PAG1: variants seen among roughly 807,000 people sequenced by gnomAD.
The protein encoded by PAG1 is phosphoprotein membrane anchor with glycosphingolipid microdomains 1.
In PAG1, 23 loss-of-function variants were observed where a neutral mutation model predicts 31.7. That is an observed-to-expected ratio of 0.73 (90% CI 0.52 to 1.03). The LOEUF is 1.03. Among genes scored for constraint, PAG1 ranks in the 50% least tolerant of loss-of-function variants. PAG1 has a pLI of 0.00. For missense variants in PAG1, 473 were observed against 540.7 expected (o/e 0.87, Z 1.24); for synonymous variants, 214 against 210.3 (o/e 1.02, Z -0.15).
chr8:81,074,195 G>A (rs1365791701), intron 1 of PAG1, among the ~76,000 whole-genome samples: 4 of 152,242 alleles, frequency 2.6e-5, no homozygotes, highest in African/African-American at 7.2e-5. Flanking sequence ...GGGACCCACT[G>A]AGACGAAAGT....
chr8:81,035,178 T>C (rs1309557206), intron 2 of PAG1, among the ~76,000 whole-genome samples: 1 of 151,966 alleles, frequency 6.6e-6, no homozygotes, highest in Admixed American at 6.6e-5. Flanking sequence ...CAACAGAATC[T>C]AGCCACTGAG....
At chr8:81,063,709 A>G (rs1808957536) in intron 2 of PAG1, among the ~76,000 whole-genome samples, 1 of 152,136 alleles carries the variant, frequency 6.6e-6, no homozygotes, top group Non-Finnish European at 1.5e-5. Flanking sequence ...CAAACACAGA[A>G]GGAGTCAAAA....
chr8:81,006,339 C>T (rs1807876959), intron 3 of PAG1, among the ~76,000 whole-genome samples: 1 of 152,220 alleles, frequency 6.6e-6, no homozygotes. Flanking sequence ...CTTGTGAGTC[C>T]TGCACTGCCC....
At chr8:81,109,028 A>G (rs983973274) in intron 1 of PAG1, among the ~76,000 whole-genome samples, 1 of 152,132 alleles carries the variant, frequency 6.6e-6, no homozygotes, top group Non-Finnish European at 1.5e-5. Flanking sequence ...GCAGGCAGGA[A>G]ACCAAATGGA....
intron 2 of PAG1, among the ~76,000 whole-genome samples, chr8:81,067,117 AGCCT>A: frequency 6.6e-6 from 1 of 152,210 alleles, no homozygotes; most frequent in Non-Finnish European, 1.5e-5. Context: ...AGCTATGTCC[AGCCT>A]GGGCCACAAA....
chr8:80,985,284 C>T lies in PAG1; in HGVS notation c.368G>A (p.Gly123Glu). The T allele has an allele frequency of 6.2e-7, 1 of 1,614,126 alleles. No individual in the cohort carries two copies. Among genetic ancestry groups the T allele is most frequent in the Non-Finnish European group, 8.5e-7 (1 of 1,180,026 alleles). Reference sequence around the variant, plus strand: ...CCGACTCTGATGACATTTTGGTTTCCCTGTGCTGTCCTGGGAATCCAGCAG... The same window carrying T: ...CCGACTCTGATGACATTTTGGTTTCTCTGTGCTGTCCTGGGAATCCAGCAG... ...SDLLDSQDST[G>E]KPKCHQSREL... is the part of the protein sequence containing the mutation. Residue 123 changes from glycine to glutamate, a missense_variant, in exon 7 of 9, where the codon GGG becomes GAG. Physicochemically the swap from Gly to Glu is moderately conservative, Grantham distance 98 (BLOSUM62 -2). Coordinates refer to ENST00000220597, the MANE Select transcript of PAG1 (RefSeq NM_018440.4).
At chr8:81,095,764 T>G (rs1304113185) in intron 1 of PAG1, among the ~76,000 whole-genome samples, 1 of 152,218 alleles carries the variant, frequency 6.6e-6, no homozygotes, top group Non-Finnish European at 1.5e-5. Flanking sequence ...GCATGCCCCC[T>G]TAATTAATTA....
At chr8:81,103,382 C>CACCT (rs1169079038) in intron 1 of PAG1, among the ~76,000 whole-genome samples, 1 of 152,160 alleles carries the variant, frequency 6.6e-6, no homozygotes, top group African/African-American at 2.4e-5. Flanking sequence ...GAACCCAGGA[C>CACCT]ACCTCATTTT....
At position 80,973,247 on chromosome 8, in the gene PAG1, T is replaced by G. The variant is rs559362172; in HGVS notation, c.*3297A>C. On this transcript the variant is annotated 3_prime_UTR_variant, in exon 9 of 9. Transcript: ENST00000220597. ...AGCCAACATTCTTGCAAGAATTACT[T>G]TCTTATGGAATTTAAGATTTCCTCA... 1 of 152,186 alleles carries G rather than the reference T, an allele frequency of 6.6e-6. No individual in the cohort carries two copies. Among genetic ancestry groups the G allele is most frequent in the African/African-American group, 2.4e-5 (1 of 41,444 alleles). The allele number at this position is 152,186 out of a possible 1,614,324, so 9.4% of individuals were successfully genotyped here. A position where few individuals can be genotyped will look rare whatever the true frequency, so the allele number is the denominator to read the frequency against.
intron 2 of PAG1, among the ~76,000 whole-genome samples, chr8:81,065,820 T>A (rs1448240912): frequency 2.7e-5 from 4 of 150,926 alleles, no homozygotes; most frequent in Non-Finnish European, 5.9e-5. Flanking sequence ...TGTGTGTGTA[T>A]GTGTGTATAT....
intron 2 of PAG1, among the ~76,000 whole-genome samples, chr8:81,032,842 T>G (rs918349226): frequency 2.0e-5 from 3 of 152,196 alleles, no homozygotes; most frequent in Admixed American, 6.6e-5. Context: ...TGAATGGGTA[T>G]ATACAAAATG....
chr8:81,087,380 A>G (rs1809377270), intron 1 of PAG1, among the ~76,000 whole-genome samples: 1 of 151,722 alleles, frequency 6.6e-6, no homozygotes, highest in African/African-American at 2.4e-5. Flanking sequence ...AAGCATCAGC[A>G]GCAACAGTGA....
At chr8:81,057,170 C>T (rs1318475339) in intron 2 of PAG1, among the ~76,000 whole-genome samples, 1 of 152,170 alleles carries the variant, frequency 6.6e-6, no homozygotes, top group African/African-American at 2.4e-5. Flanking sequence ...GGCGATTCCT[C>T]AAGGGTCTAG....
intron 2 of PAG1, chr8:81,036,938 G>A (rs1331061454): frequency 1.3e-5 from 2 of 152,138 alleles, no homozygotes; most frequent in African/African-American, 4.8e-5. Flanking sequence ...CATTAAAAGA[G>A]GGTTTTCTGG....
chr8:81,095,350 T>C (rs1277793974), intron 1 of PAG1, among the ~76,000 whole-genome samples: 1 of 152,136 alleles, frequency 6.6e-6, no homozygotes, highest in African/African-American at 2.4e-5. Context: ...AATTCACCCT[T>C]TGTGCTGCTA....
chr8:81,023,993 T>A (rs1432080949), intron 3 of PAG1, among the ~76,000 whole-genome samples: 4 of 152,170 alleles, frequency 2.6e-5, no homozygotes, highest in African/African-American at 9.7e-5. Flanking sequence ...TAACAGTAAA[T>A]GACTAATTAT....
At chr8:81,103,714 G>A (rs189376917) in intron 1 of PAG1, among the ~76,000 whole-genome samples, 1 of 152,160 alleles carries the variant, frequency 6.6e-6, no homozygotes, top group East Asian at 1.9e-4. Flanking sequence ...CATAAGCATT[G>A]GCTCAAAGGT....
chr8:81,043,923 C>T lies in PAG1; in HGVS notation c.-174-13834G>A, dbSNP rs551583270. 9.2e-5 allele frequency among the ~76,000 whole-genome samples: 14 copies of T among 152,286 alleles called. No homozygotes were observed. In the East Asian group the frequency reaches 2.7e-3, roughly 29 times the overall value. On this transcript the variant is annotated intron_variant, in intron 2 of 8. Transcript: ENST00000220597. Reference sequence around the variant, plus strand: ...TCCTTCTCCACTGATGGTAGTTCTCCCTGACTTTCTAGTTTTGCTGTGGAT... The same window carrying T: ...TCCTTCTCCACTGATGGTAGTTCTCTCTGACTTTCTAGTTTTGCTGTGGAT...
chr8:81,076,103 C>T (rs572268364), intron 1 of PAG1, among the ~76,000 whole-genome samples: 1 of 152,172 alleles, frequency 6.6e-6, no homozygotes, highest in Non-Finnish European at 1.5e-5. Context: ...ACCTGGCCTC[C>T]GGGAACAGAA....
Sources: allele counts gnomAD v4.1 joint callset (sites outside exome capture counted in the v4.1 genomes callset), GRCh38; gene constraint gnomAD v4.1.1; transcripts MANE v1.5; gene names NCBI Gene and HGNC (gene_info 2026-07-23, HGNC 2026-07-21).